The following C14orf180 variants were observed in gnomAD, a reference collection of about 807,000 sequenced individuals.
C14orf180 encodes chromosome 14 open reading frame 180, also known as nutritionally-regulated adipose and cardiac enriched protein homolog.
C14orf180 carries 13 observed loss-of-function variants against 13.9 expected under a neutral mutation model. The ratio of observed to expected loss-of-function variants is 0.94; its 90% CI spans 0.61 to 1.49. C14orf180 has a LOEUF of 1.49. C14orf180 is among the 40% of genes most tolerant of loss of function. The pLI, the probability that C14orf180 is intolerant of heterozygous loss-of-function variation, is 0.00. For missense variants in C14orf180, 238 were observed against 232.0 expected (o/e 1.03, Z -0.17); for synonymous variants, 113 against 106.3 (o/e 1.06, Z -0.39).
Position 104,586,436 on chromosome 14 carries a change from G to C in C14orf180, c.6G>C (p.Arg2Ser). ...TTAGGACCATGTTCCAGTAAATGAG[G>C]ACTGCAGCAGGAGCCGTGAGCCCTG... The part of the protein sequence containing the change: M[R>S]TAAGAVSPDS... The change falls in exon 2 of 5, where the codon AGG (arginine) becomes AGC (serine). Residue 2 changes from arginine to serine, a missense_variant. Arg to Ser is a moderately radical substitution (Grantham distance 110). Coordinates refer to ENST00000557649, the MANE Select transcript of C14orf180 (RefSeq NM_001008404.3). The C allele has an allele frequency of 6.6e-7, 1 of 1,525,096 alleles. No homozygotes were observed. Among genetic ancestry groups the C allele is most frequent in the Non-Finnish European group, 8.8e-7 (1 of 1,134,200 alleles). The allele number at this position is 1,525,096 out of a possible 1,614,324, so 94.5% of individuals were successfully genotyped here. A position where few individuals can be genotyped will look rare whatever the true frequency, so the allele number is the denominator to read the frequency against.
In C14orf180 at chr14:104,588,639, G is replaced by A. The variant is rs909844837; in HGVS notation, c.339G>A (p.Leu113=). ...TCCTGCAGCTGTGTGTGTGCGTCCT[G>A]CTCGTGCTGGCCCTGGGCCTATACT... ...SLLLQLCVCV[L]LVLALGLYCG... is the part of the protein sequence containing the mutation. Residue 113 remains leucine (L), a synonymous_variant, in exon 5 of 5, where the codon CTG becomes CTA. Coordinates refer to ENST00000557649, the MANE Select transcript of C14orf180 (RefSeq NM_001008404.3). 3.3e-6 allele frequency: 5 copies of A among 1,520,918 alleles called. No individual in the cohort carries two copies. The African/African-American group carries it at 6.9e-5, about 21-fold the overall frequency. The allele number at this position is 1,520,918 out of a possible 1,614,324, so 94.2% of individuals were successfully genotyped here. A position where few individuals can be genotyped will look rare whatever the true frequency, so the allele number is the denominator to read the frequency against.
At position 104,588,595 on chromosome 14, in the gene C14orf180, C is replaced by T; in HGVS notation, c.295C>T (p.Pro99Ser). Residue 99 changes from proline (P) to serine (S), a missense_variant, in exon 5 of 5, where the codon CCA becomes TCA. Pro to Ser is a moderately conservative substitution (Grantham distance 74). Transcript: ENST00000557649. ...GGCCGCAGTGCCCGGCCGGCCCAGG[C>T]CACACGGCGGCTCCCTGCTCCTGCA... ...ATVRVPGRPRPHGGSLLLQLC... is the reference protein window; with the variant it reads ...ATVRVPGRPRSHGGSLLLQLC... 1 of 1,464,710 alleles carries T rather than the reference C, an allele frequency of 6.8e-7. No individual in the cohort carries two copies. The highest frequency in any genetic ancestry group is 9.0e-7 in the Non-Finnish European group (1 of 1,111,336). 90.7% of individuals were successfully genotyped at this position (1,464,710 alleles called of 1,614,324 possible). A position where few individuals can be genotyped will look rare whatever the true frequency, so the allele number is the denominator to read the frequency against.
chr14:104,585,447 A>ATTTCTCT (rs1886582679), intron 1 of C14orf180, among the ~76,000 whole-genome samples: 13 of 152,102 alleles, frequency 8.5e-5, no homozygotes, highest in Admixed American at 8.5e-4. Flanking sequence ...AAAGTCAAGA[A>ATTTCTCT]CCCTGCCAAG....
At chr14:104,586,203 CT>C in intron 1 of C14orf180, among the ~76,000 whole-genome samples, 1 of 152,282 alleles carries the variant, frequency 6.6e-6, no homozygotes, top group East Asian at 1.9e-4. Context: ...AAGGAAATTG[CT>C]TGCGATGGCA....
intron 1 of C14orf180, among the ~76,000 whole-genome samples, chr14:104,584,906 G>A (rs566349652): frequency 2.0e-5 from 3 of 152,346 alleles, no homozygotes; most frequent in South Asian, 2.1e-4. Context: ...TGGCCACCCT[G>A]TTATCTCCTG....
intron 1 of C14orf180, among the ~76,000 whole-genome samples, chr14:104,580,757 A>C (rs1187757787): frequency 6.6e-6 from 1 of 152,160 alleles, no homozygotes; most frequent in Non-Finnish European, 1.5e-5. Flanking sequence ...TTTCTTGGGC[A>C]CTACTGAGCT....
chr14:104,587,736 GC>G lies in C14orf180; in HGVS notation c.112-8del. On this transcript the variant is annotated splice_polypyrimidine_tract_variant and intron_variant, in intron 2 of 4. Transcript: ENST00000557649. ...CCGGGGACTCACCAGTCTGCTTCCC[GC>G]CCCCACACCAGGAGGACAACAGGAA... is the stretch of plus-strand genomic sequence containing the variant. The G allele has an allele frequency of 6.2e-7, 1 of 1,610,782 alleles. No individual in the cohort carries two copies. Among genetic ancestry groups the G allele is most frequent in the Non-Finnish European group, 8.5e-7 (1 of 1,178,880 alleles).
intron 4 of C14orf180, 30 bp downstream of exon 4, chr14:104,588,339 C>T (rs1886708826): frequency 6.2e-7 from 1 of 1,609,704 alleles, no homozygotes; most frequent in Admixed American, 1.7e-5. Flanking sequence ...CCCTGTGCCC[C>T]ACTGCCCCCT....
At chr14:104,586,107 C>T (rs757335498) in intron 1 of C14orf180, among the ~76,000 whole-genome samples, 6 of 152,218 alleles carry the variant, frequency 3.9e-5, no homozygotes, top group Non-Finnish European at 7.3e-5. Context: ...ACCCAATCAT[C>T]GAGGGTGACT....
rs563826752 is a variant in C14orf180 at position 104,589,457 on chromosome 14, A to G, written c.*674A>G. ...CCCAGACACCCCCGACCTTCAGAAC[A>G]GCCATCTGTGCCCAGCTCTGCAGGC... On this transcript the variant is annotated 3_prime_UTR_variant, in exon 5 of 5. Transcript: ENST00000557649. This position sits in a 1 kb window ranked among gnomAD's most constrained non-coding sequence, Gnocchi z 4.9. 2 of 152,910 alleles carry G rather than the reference A, an allele frequency of 1.3e-5. No homozygotes were observed. The highest frequency in any genetic ancestry group is 4.8e-5 in the African/African-American group (2 of 41,554). 9.5% of individuals were successfully genotyped at this position (152,910 alleles called of 1,614,324 possible). A position where few individuals can be genotyped will look rare whatever the true frequency, so the allele number is the denominator to read the frequency against.
Position 104,586,499 on chromosome 14 carries a change from T to C in C14orf180, c.69T>C (p.Asn23=), listed in dbSNP as rs752640580. ...RPETRRQTRK[N]EEAAWGPRVC... is the part of the protein sequence containing the mutation. ...AGACACGACGTCAGACCAGAAAGAA[T>C]GAGGAGGCCGCGTGGGGCCCGCGGG... is the stretch of plus-strand genomic sequence containing the variant. Residue 23 remains asparagine (N), a synonymous_variant, in exon 2 of 5, where the codon AAT becomes AAC. Coordinates refer to ENST00000557649, the MANE Select transcript of C14orf180 (RefSeq NM_001008404.3). 1.3e-6 allele frequency: 2 copies of C among 1,548,028 alleles called. No homozygotes were observed. Among genetic ancestry groups the C allele is most frequent in the Non-Finnish European group, 1.7e-6 (2 of 1,146,126 alleles).
intron 1 of C14orf180, among the ~76,000 whole-genome samples, chr14:104,583,428 T>A (rs1384826112): frequency 6.6e-6 from 1 of 152,184 alleles, no homozygotes; most frequent in Non-Finnish European, 1.5e-5. Context: ...AGCACAGGCT[T>A]GGTGCGGACT....
chr14:104,584,658 C>T (rs530922409), intron 1 of C14orf180, among the ~76,000 whole-genome samples: 49 of 152,286 alleles, frequency 3.2e-4, no homozygotes, highest in Admixed American at 1.8e-3. Context: ...GCAAGCACAA[C>T]CTCTCCCACA....
intron 1 of C14orf180, among the ~76,000 whole-genome samples, chr14:104,582,176 C>G (rs1025255832): frequency 2.0e-5 from 3 of 152,150 alleles, no homozygotes; most frequent in African/African-American, 7.2e-5. Context: ...CAGGCAGAGG[C>G]AGCAGCCTGG....
rs751088144 is a variant in C14orf180 at position 104,586,510 on chromosome 14, C to G, written c.80C>G (p.Ala27Gly). The change falls in exon 2 of 5, where the codon GCG (alanine) becomes GGG (glycine). Residue 27 changes from alanine to glycine, a missense_variant. Coordinates refer to ENST00000557649, the MANE Select transcript of C14orf180 (RefSeq NM_001008404.3). ...RRQTRKNEEA[A>G]WGPRVCRAER... ...CAGACCAGAAAGAATGAGGAGGCCG[C>G]GTGGGGCCCGCGGGTGTGCAGGGCA... The G allele has an allele frequency of 6.5e-7, 1 of 1,546,806 alleles. No individual in the cohort carries two copies. The highest frequency in any genetic ancestry group is 8.7e-7 in the Non-Finnish European group (1 of 1,145,602).
rs142540307 is a variant in C14orf180, at chr14:104,586,409, T to C, written c.-16-6T>C. On this transcript the variant is annotated splice_polypyrimidine_tract_variant and splice_region_variant and intron_variant, in intron 1 of 4. Coordinates refer to ENST00000557649, the MANE Select transcript of C14orf180 (RefSeq NM_001008404.3). ...AAATAATAAATAACGTCTCTGCTTA[T>C]CTTAGGACCATGTTCCAGTAAATGA... is the stretch of plus-strand genomic sequence containing the variant. 696 of 1,467,054 alleles carry C rather than the reference T, an allele frequency of 4.7e-4. 4 individuals are homozygous for C. In the African/African-American group the frequency reaches 8.9e-3, roughly 19 times the overall value. The allele number at this position is 1,467,054 out of a possible 1,614,324, so 90.9% of individuals were successfully genotyped here.
intron 4 of C14orf180, 120 bp from the exon 5 acceptor site, chr14:104,588,458 C>T: frequency 6.8e-7 from 1 of 1,469,052 alleles, no homozygotes; most frequent in Non-Finnish European, 9.3e-7. Flanking sequence ...CCCCAAGAGG[C>T]TAGGGAGGGG....
chr14:104,585,197 G>T (rs936949298), intron 1 of C14orf180, among the ~76,000 whole-genome samples: 1 of 152,366 alleles, frequency 6.6e-6, no homozygotes, highest in Admixed American at 6.5e-5. Context: ...CCCCAGGGCA[G>T]GGGAGAACCT....
At chr14:104,587,019 G>A (rs1055124685) in intron 2 of C14orf180, among the ~76,000 whole-genome samples, 3 of 152,190 alleles carry the variant, frequency 2.0e-5, no homozygotes, top group African/African-American at 7.2e-5. Flanking sequence ...ACGCCCTCGC[G>A]GGGCAGCCTC....
Sources: allele counts gnomAD v4.1 joint callset (sites outside exome capture counted in the v4.1 genomes callset), GRCh38; gene constraint gnomAD v4.1.1; non-coding constraint Gnocchi (gnomAD v3.1); transcripts MANE v1.5; gene names NCBI Gene and HGNC (gene_info 2026-07-23, HGNC 2026-07-21).